The following HNRNPM variants were observed in gnomAD, a reference collection of about 807,000 sequenced individuals.
HNRNPM encodes heterogeneous nuclear ribonucleoprotein M.
A neutral mutation model predicts 73.1 loss-of-function variants in HNRNPM; 11 were observed. That is an observed-to-expected ratio of 0.15 (90% confidence interval 0.09 to 0.25). The LOEUF (loss-of-function observed/expected upper bound fraction) is 0.25, where lower values mean the gene tolerates loss of function less well. HNRNPM is among the 10% of genes least tolerant of loss of function. The probability of loss-of-function intolerance (pLI) is 1.00; values close to 1 mark genes in which losing one functional copy is unlikely to be tolerated. For synonymous variants in HNRNPM, 407 were observed against 355.2 expected (o/e 1.15, Z -1.64); for missense variants, 789 against 1,067.9 (o/e 0.74, Z 3.64).
intron 12 of HNRNPM, among the ~76,000 whole-genome samples, chr19:8,478,176 T>G (rs962512626): frequency 6.6e-5 from 10 of 152,238 alleles, no homozygotes; most frequent in Non-Finnish European, 1.5e-4. Context: ...ATGGAAGTTG[T>G]TCATTGGTCC....
chr19:8,449,468 C>T (rs1568256667), intron 1 of HNRNPM, among the ~76,000 whole-genome samples: 1 of 152,164 alleles, frequency 6.6e-6, no homozygotes, highest in Non-Finnish European at 1.5e-5. Context: ...ATCAGTCCCC[C>T]TCTCTACCCT....
At position 8,476,231 on chromosome 19, in the gene HNRNPM, A is replaced by G. The variant is rs533071715; in HGVS notation, c.1120+1987A>G. On this transcript the variant is annotated intron_variant, in intron 12 of 15. Transcript: ENST00000325495. Reference sequence around the variant, plus strand: ...GTGCTCCCCACACCCTCTACAGCTGAGAACAGGGACTCCTTCCCACTTGAC... The same window carrying G: ...GTGCTCCCCACACCCTCTACAGCTGGGAACAGGGACTCCTTCCCACTTGAC... 5.9e-5 allele frequency among the ~76,000 whole-genome samples: 9 copies of G among 152,270 alleles called. No individual in the cohort carries two copies. In the South Asian group the frequency reaches 1.9e-3, roughly 32 times the overall value.
intron 5 of HNRNPM, 99 bp from the exon 6 acceptor site, chr19:8,465,225 C>G (rs1969663158): frequency 3.1e-6 from 3 of 957,234 alleles, no homozygotes; most frequent in South Asian, 1.9e-5. Flanking sequence ...TTCCAAACAA[C>G]CTTTCAGTTT....
chr19:8,461,311 C>G (rs1415253288), intron 2 of HNRNPM, among the ~76,000 whole-genome samples: 1 of 152,026 alleles, frequency 6.6e-6, no homozygotes, highest in Non-Finnish European at 1.5e-5. Context: ...ATTTTTCTTC[C>G]TATAGCCTCA....
intron 15 of HNRNPM, chr19:8,488,418 A>G (rs891270075): frequency 8.4e-6 from 3 of 355,860 alleles, no homozygotes; most frequent in Non-Finnish European, 1.0e-5. Context: ...CTTTCTGCCT[A>G]TAAAGCTGGC....
chr19:8,487,360 T>G, intron 15 of HNRNPM: 1 of 392,774 alleles, frequency 2.5e-6, no homozygotes, highest in Non-Finnish European at 4.7e-6. Flanking sequence ...AGAGTCTTCC[T>G]TCTGAGGTTA....
At chr19:8,466,088 T>C in intron 6 of HNRNPM, 147 bp from the exon 7 acceptor site, 2 of 726,404 alleles carry the variant, frequency 2.8e-6, no homozygotes, top group Admixed American at 2.9e-5. Flanking sequence ...AATCCTATTT[T>C]AAAATTTCCA....
At position 8,486,311 on chromosome 19, in the gene HNRNPM, G is replaced by A. The variant is rs1289971387; in HGVS notation, c.1883G>A (p.Gly628Asp). ...GACCGTGCCATCGAGATGGAGCGTG[G>A]CAACTTCGGAGGAAGCTTCGCAGGT... ...SFDRAIEMERGNFGGSFAGSF... is the reference protein window; with the variant it reads ...SFDRAIEMERDNFGGSFAGSF... Residue 628 changes from glycine to aspartate, a missense_variant, in exon 14 of 16, where the codon GGC becomes GAC. Coordinates refer to ENST00000325495, the MANE Select transcript of HNRNPM (RefSeq NM_005968.5). 6.2e-7 allele frequency: 1 copy of A among 1,600,144 alleles called. No homozygotes were observed. Among genetic ancestry groups the A allele is most frequent in the Non-Finnish European group, 8.5e-7 (1 of 1,179,872 alleles).
At chr19:8,448,556 C>A (rs911337441) in intron 1 of HNRNPM, among the ~76,000 whole-genome samples, 1 of 150,966 alleles carries the variant, frequency 6.6e-6, no homozygotes, top group African/African-American at 2.4e-5. Context: ...CTGCAAGCTC[C>A]GTGAACCGCT....
chr19:8,445,463 C>T (rs961079086), intron 1 of HNRNPM: 15 of 200,596 alleles, frequency 7.5e-5, no homozygotes, highest in South Asian at 1.8e-4. Flanking sequence ...GGAGGGTGAC[C>T]TCGGGGGCCG....
At chr19:8,453,423 G>T (rs1217372530) in intron 1 of HNRNPM, among the ~76,000 whole-genome samples, 1 of 152,192 alleles carries the variant, frequency 6.6e-6, no homozygotes, top group East Asian at 1.9e-4. Flanking sequence ...TTACAGATGG[G>T]AGTTACCACA....
intron 2 of HNRNPM, among the ~76,000 whole-genome samples, chr19:8,459,927 A>G (rs1665635826): frequency 6.6e-6 from 1 of 152,180 alleles, no homozygotes; most frequent in Admixed American, 6.5e-5. Flanking sequence ...TTTTTTCAAT[A>G]TTTTGATGTT....
chr19:8,477,807 G>A (rs555696438), intron 12 of HNRNPM, among the ~76,000 whole-genome samples: 8 of 152,124 alleles, frequency 5.3e-5, no homozygotes, highest in South Asian at 2.1e-4. Flanking sequence ...CCATGCACAC[G>A]CATTTCTGTG....
At chr19:8,463,443 CTTTTCT>C in intron 3 of HNRNPM, 48 bp from the exon 4 acceptor site, 2 of 1,579,806 alleles carry the variant, frequency 1.3e-6, no homozygotes, top group Non-Finnish European at 1.7e-6. Context: ...CTATTTTTTT[CTTTTCT>C]TTTTCCCCTT....
At chr19:8,446,981 TTTAC>T (rs1174883054) in intron 1 of HNRNPM, among the ~76,000 whole-genome samples, 1 of 152,168 alleles carries the variant, frequency 6.6e-6, no homozygotes, top group Admixed American at 6.6e-5. Flanking sequence ...GATAAATTTA[TTTAC>T]CGTATGCAGG....
At chr19:8,485,335 C>T (rs1026672441) in intron 13 of HNRNPM, among the ~76,000 whole-genome samples, 1 of 152,232 alleles carries the variant, frequency 6.6e-6, no homozygotes, top group African/African-American at 2.4e-5. Flanking sequence ...CAGACACTAG[C>T]ACCTCACAGA....
intron 8 of HNRNPM, 81 bp from the exon 9 acceptor site, chr19:8,468,693 T>TG (rs1969928067): frequency 1.2e-5 from 12 of 1,031,470 alleles, no homozygotes; most frequent in Middle Eastern, 2.0e-4. Flanking sequence ...CCTCTCTTGA[T>TG]GGGGGGCCAT....
intron 12 of HNRNPM, among the ~76,000 whole-genome samples, chr19:8,478,521 G>A (rs1970671572): frequency 6.6e-6 from 1 of 152,126 alleles, no homozygotes; most frequent in Admixed American, 6.5e-5. Context: ...CTCAGTGGCT[G>A]GGGTCCGCCC....
intron 1 of HNRNPM, among the ~76,000 whole-genome samples, chr19:8,447,236 A>AT (rs1968253280): frequency 7.1e-6 from 1 of 141,084 alleles, no homozygotes; most frequent in South Asian, 2.3e-4. Flanking sequence ...ACACTTGGAT[A>AT]TTTTTGATAG....
Sources: gnomAD v4.1 joint callset for allele counts (sites outside exome capture counted in the v4.1 genomes callset) on GRCh38, gnomAD v4.1.1 for gene constraint, MANE v1.5 for transcripts, NCBI Gene and HGNC (gene_info 2026-07-23, HGNC 2026-07-21) for gene names.